The following ULK4 variants were observed in gnomAD, a reference collection of about 807,000 sequenced individuals.
The protein encoded by ULK4 is inactive serine/threonine-protein kinase ULK4.
In ULK4, 133 loss-of-function variants were observed where a neutral mutation model predicts 160.6. The observed-to-expected ratio is 0.83, with a 90% CI of 0.72 to 0.96. The LOEUF (loss-of-function observed/expected upper bound fraction) is 0.96. Ranked by LOEUF, ULK4 falls within the 40% of genes least tolerant of loss-of-function variation. ULK4 has a pLI of 0.00. For missense variants in ULK4, 1,580 were observed against 1,499.5 expected, an observed-to-expected ratio of 1.05 and a Z score of -0.89; for synonymous variants, 534 against 539.8, an observed-to-expected ratio of 0.99 and a Z score of 0.15.
Position 41,463,240 on chromosome 3 carries a change from G to A in ULK4, c.3240C>T (p.His1080=), listed in dbSNP as rs371456900. The change falls in exon 33 of 37, where the codon CAC becomes CAT. Residue 1080 remains histidine, a synonymous_variant. Transcript: ENST00000301831. The part of the protein sequence containing the change: ...ELLYEQGLVS[H]ICNLLTETAT... ...CAGTTTCAGTGAGCAGGTTACAGAT[G>A]TGACTGACAAGTCCTGAGGGTAAAA... 8 of 1,612,944 alleles carry A rather than the reference G, an allele frequency of 5.0e-6. No homozygotes were observed. The highest frequency in any genetic ancestry group is 1.3e-5 in the African/African-American group (1 of 74,854).
At chr3:41,898,401 T>C (rs756369859) in intron 14 of ULK4, 31 bp downstream of exon 14, 1 of 1,396,446 alleles carries the variant, frequency 7.2e-7, no homozygotes, top group Admixed American at 2.2e-5. Flanking sequence ...ACAAAGAGTC[T>C]ACATGTTCGA....
At chr3:41,944,330 C>T (rs1700050047) in intron 2 of ULK4, among the ~76,000 whole-genome samples, 1 of 152,158 alleles carries the variant, frequency 6.6e-6, no homozygotes, top group Admixed American at 6.5e-5. Flanking sequence ...CGTGTAATTT[C>T]ACGGGAGGAT....
chr3:41,794,413 C>T (rs915942687), intron 20 of ULK4, among the ~76,000 whole-genome samples: 1 of 152,002 alleles, frequency 6.6e-6, no homozygotes, highest in Non-Finnish European at 1.5e-5. Flanking sequence ...CGCCTGTAAT[C>T]CTGGCACTTT....
chr3:41,734,258 A>G (rs772699056), intron 22 of ULK4, among the ~76,000 whole-genome samples: 13 of 152,172 alleles, frequency 8.5e-5, no homozygotes, highest in Non-Finnish European at 1.9e-4. Context: ...AATTGAATGA[A>G]TAAGAAAAAA....
At chr3:41,337,423 C>T (rs1456404791) in intron 35 of ULK4, among the ~76,000 whole-genome samples, 1 of 151,972 alleles carries the variant, frequency 6.6e-6, no homozygotes, top group Non-Finnish European at 1.5e-5. Context: ...CTGCTCTGTT[C>T]TGAGGGGTGA....
chr3:41,907,114 A>G (rs1210271131), intron 12 of ULK4, among the ~76,000 whole-genome samples: 1 of 152,178 alleles, frequency 6.6e-6, no homozygotes, highest in East Asian at 1.9e-4. Context: ...TAAAGACAAA[A>G]AAGACAAACG....
Position 41,505,013 on chromosome 3 carries a change from G to A in ULK4, c.3227-41760C>T, listed in dbSNP as rs2085330386. On this transcript the variant is annotated intron_variant, in intron 32 of 36. Transcript: ENST00000301831. ...AGGAAGAAGTTCAGACATGTGCCTG[G>A]GCTAGGTGTGCACGGTCACACTGCT... Among the ~76,000 whole-genome samples, 3 of 152,020 alleles carry A rather than the reference G, an allele frequency of 2.0e-5. No homozygotes were observed. In the South Asian group the frequency reaches 6.2e-4, roughly 32 times the overall value.
chr3:41,253,641 A>G lies in ULK4; in HGVS notation c.3679-4067T>C, dbSNP rs549014457. Among the ~76,000 whole-genome samples, 7 of 152,290 alleles carry G rather than the reference A, an allele frequency of 4.6e-5. No individual in the cohort carries two copies. In the South Asian group the frequency reaches 8.3e-4, roughly 18 times the overall value. On this transcript the variant is annotated intron_variant, in intron 35 of 36. Coordinates refer to ENST00000301831, the MANE Select transcript of ULK4 (RefSeq NM_017886.4). ...AACACTGAACCTAATCAGAAATCAA[A>G]TAAAAAGGCAAACTACATTGTAACA...
intron 30 of ULK4, among the ~76,000 whole-genome samples, chr3:41,620,792 AG>A (rs1173479466): frequency 6.6e-6 from 1 of 152,190 alleles, no homozygotes. Context: ...AAAGAAATAA[AG>A]GGTATTCAAA....
chr3:41,646,767 G>C (rs2034513032), intron 30 of ULK4, among the ~76,000 whole-genome samples: 2 of 135,380 alleles, frequency 1.5e-5, no homozygotes, highest in African/African-American at 7.8e-5. Flanking sequence ...AAGTTCTCCT[G>C]GATAATATCC....
intron 34 of ULK4, among the ~76,000 whole-genome samples, chr3:41,453,414 C>G (rs934218243): frequency 6.6e-6 from 1 of 152,114 alleles, no homozygotes; most frequent in Non-Finnish European, 1.5e-5. Flanking sequence ...AGGACCCAAT[C>G]GATTCTCCCA....
intron 34 of ULK4, among the ~76,000 whole-genome samples, chr3:41,421,760 T>G (rs1439912646): frequency 6.6e-6 from 1 of 152,178 alleles, no homozygotes; most frequent in Non-Finnish European, 1.5e-5. Flanking sequence ...ATGAGACTTA[T>G]TATAGCTTCA....
chr3:41,526,399 C>T (rs944113065), intron 32 of ULK4, among the ~76,000 whole-genome samples: 1 of 152,120 alleles, frequency 6.6e-6, no homozygotes, highest in Admixed American at 6.6e-5. Flanking sequence ...CTCAAGAGAC[C>T]CATGTGGCCA....
At chr3:41,555,348 T>C (rs1034706875) in intron 32 of ULK4, among the ~76,000 whole-genome samples, 4 of 147,662 alleles carry the variant, frequency 2.7e-5, no homozygotes, top group African/African-American at 4.9e-5. Context: ...CATTACAAAG[T>C]AGGCAAAGCA....
chr3:41,451,190 T>C (rs567042038), intron 34 of ULK4, among the ~76,000 whole-genome samples: 33 of 152,012 alleles, frequency 2.2e-4, no homozygotes, highest in Admixed American at 3.9e-4. Flanking sequence ...CTTTTACATA[T>C]GTAAATATTC....
intron 34 of ULK4, among the ~76,000 whole-genome samples, chr3:41,438,746 G>C (rs1218318180): frequency 6.6e-6 from 1 of 151,994 alleles, no homozygotes; most frequent in Non-Finnish European, 1.5e-5. Flanking sequence ...AGGATCACTT[G>C]AGCTCAGGAG....
intron 35 of ULK4, among the ~76,000 whole-genome samples, chr3:41,390,278 C>A (rs2081928184): frequency 6.6e-6 from 1 of 152,020 alleles, no homozygotes; most frequent in African/African-American, 2.4e-5. Flanking sequence ...CTTTATTAGT[C>A]TTGCTAACAG....
At chr3:41,922,622 T>G (rs1418995408) in intron 5 of ULK4, among the ~76,000 whole-genome samples, 25 of 18,708 alleles carry the variant, frequency 1.3e-3, no homozygotes, top group South Asian at 3.6e-3. Flanking sequence ...GTGAGGGGGG[T>G]GGCAAGGTGG....
chr3:41,484,869 A>C (rs913623768), intron 32 of ULK4, among the ~76,000 whole-genome samples: 2 of 152,222 alleles, frequency 1.3e-5, no homozygotes, highest in Admixed American at 6.5e-5. Flanking sequence ...TGGTAAATGA[A>C]TATTATTTAT....
Sources: allele counts gnomAD v4.1 joint callset (sites outside exome capture counted in the v4.1 genomes callset), GRCh38; gene constraint gnomAD v4.1.1; transcripts MANE v1.5; gene names NCBI Gene and HGNC (gene_info 2026-07-23, HGNC 2026-07-21).